RBPJ: variants seen among roughly 807,000 people sequenced by gnomAD.
RBPJ encodes the protein recombination signal binding protein for immunoglobulin kappa J region.
RBPJ carries 9 observed loss-of-function variants against 67.8 expected under a neutral mutation model. That is an observed-to-expected ratio of 0.13 (90% CI 0.08 to 0.23). The LOEUF (loss-of-function observed/expected upper bound fraction) is 0.23. Among genes scored for constraint, RBPJ ranks in the 10% least tolerant of loss-of-function variants. RBPJ has a pLI of 1.00. For missense variants in RBPJ, 305 were observed against 595.6 expected, an observed-to-expected ratio of 0.51 and a Z score of 5.08; for synonymous variants, 198 against 203.3, an observed-to-expected ratio of 0.97 and a Z score of 0.22.
At chr4:26,249,791 C>CTTTT (rs1329128596) in intron 1 of RBPJ, among the ~76,000 whole-genome samples, 2 of 128,800 alleles carry the variant, frequency 1.6e-5, no homozygotes, top group Non-Finnish European at 3.3e-5. Flanking sequence ...TTTTTTTTTT[C>CTTTT]TTTTTTTTTT....
intron 1 of RBPJ, among the ~76,000 whole-genome samples, chr4:26,231,941 G>A (rs1719303008): frequency 6.6e-6 from 1 of 151,410 alleles, no homozygotes; most frequent in African/African-American, 2.4e-5. Flanking sequence ...GCCCAGGCTG[G>A]AGTGCAGTGG....
chr4:26,255,387 G>C (rs1341481602), intron 1 of RBPJ, among the ~76,000 whole-genome samples: 3 of 99,588 alleles, frequency 3.0e-5, no homozygotes, highest in Non-Finnish European at 5.4e-5. Flanking sequence ...CTGGGCGACA[G>C]AGCGAGACTC....
At chr4:26,260,921 T>A (rs1454848349) in intron 1 of RBPJ, among the ~76,000 whole-genome samples, 1 of 152,188 alleles carries the variant, frequency 6.6e-6, no homozygotes, top group Non-Finnish European at 1.5e-5. Context: ...CTTGCTATAA[T>A]TACTTTTAAG....
chr4:26,386,166 T>A (rs1406824635), intron 1 of RBPJ, among the ~76,000 whole-genome samples, 187 bp from the exon 2 acceptor site: 1 of 152,128 alleles, frequency 6.6e-6, no homozygotes, highest in Non-Finnish European at 1.5e-5. Context: ...GGCATGTTGT[T>A]TGCATGTTTA....
At chr4:26,404,283 C>G (rs1733166394) in intron 2 of RBPJ, among the ~76,000 whole-genome samples, 1 of 151,980 alleles carries the variant, frequency 6.6e-6, no homozygotes. Flanking sequence ...GATAGTAGAC[C>G]TTTATCAGAT....
chr4:26,226,929 A>G (rs1292863501), intron 1 of RBPJ, among the ~76,000 whole-genome samples: 3 of 152,200 alleles, frequency 2.0e-5, no homozygotes, highest in Non-Finnish European at 4.4e-5. Flanking sequence ...CTTCAAAGAC[A>G]CAGAACTGCA....
At chr4:26,351,951 G>A (rs931411389) in intron 1 of RBPJ, among the ~76,000 whole-genome samples, 2 of 152,128 alleles carry the variant, frequency 1.3e-5, no homozygotes, top group African/African-American at 4.8e-5. Context: ...GCTTTGGGTC[G>A]GGGGGAGGTG....
upstream of RBPJ, among the ~76,000 whole-genome samples, chr4:26,318,948 G>C (rs540802769): frequency 1.9e-4 from 25 of 132,270 alleles, no homozygotes; most frequent in Admixed American, 6.8e-4. Context: ...AGTGAGCCGA[G>C]ATCGCGCCAC....
chr4:26,394,546 T>C (rs1356036909), intron 2 of RBPJ, among the ~76,000 whole-genome samples: 1 of 152,104 alleles, frequency 6.6e-6, no homozygotes, highest in African/African-American at 2.4e-5. Flanking sequence ...CTGTTGAGGC[T>C]TTTAGAGCCT....
chr4:26,215,031 A>G lies in RBPJ; in HGVS notation c.-167+51417A>G, dbSNP rs1270473770. Among the ~76,000 whole-genome samples, 4 of 68,676 alleles carry G rather than the reference A, an allele frequency of 5.8e-5. 2 individuals are homozygous for G. The highest frequency in any genetic ancestry group is 3.3e-4 in the Admixed American group (2 of 6,038). The allele number at this position is 68,676 out of a possible 152,430, so 45.1% of individuals were successfully genotyped here. ...AGGAAGGAGAGAAAGAAAGAAAGAA[A>G]AGAAAGAGGGAGGGAGGGAAGAGAG... is the stretch of plus-strand genomic sequence containing the variant. On this transcript the variant is annotated intron_variant, in intron 1 of 4. Coordinates refer to the RBPJ transcript ENST00000512351.
At chr4:26,374,194 C>A (rs1173021989) in intron 1 of RBPJ, among the ~76,000 whole-genome samples, 1 of 152,142 alleles carries the variant, frequency 6.6e-6, no homozygotes, top group Admixed American at 6.5e-5. Context: ...CTCGCCTCGG[C>A]CTTCCAAAGT....
chr4:26,391,609 A>G (rs769052869), intron 2 of RBPJ, among the ~76,000 whole-genome samples: 2 of 152,252 alleles, frequency 1.3e-5, no homozygotes, highest in Non-Finnish European at 1.5e-5. Context: ...CATTTCTTAG[A>G]CACTAAAACA....
chr4:26,414,234 A>G (rs1321310515), intron 3 of RBPJ, among the ~76,000 whole-genome samples: 2 of 152,000 alleles, frequency 1.3e-5, no homozygotes, highest in Non-Finnish European at 2.9e-5. Context: ...CAGCTGCACT[A>G]TGACAGCTCA....
At position 26,424,554 on chromosome 4, in the gene RBPJ, T is replaced by C. The variant is rs1735451477; in HGVS notation, c.634+75T>C. 6.4e-7 allele frequency: 1 copy of C among 1,566,038 alleles called. No individual in the cohort carries two copies. The highest frequency in any genetic ancestry group is 1.1e-5 in the South Asian group (1 of 87,706). On this transcript the variant is annotated intron_variant, in intron 6 of 10. Transcript: ENST00000355476. The surrounding 1 kb of genome is among the most constrained non-coding windows in gnomAD (Gnocchi z 5.3). The stretch of plus-strand genomic sequence containing the variant: ...TCTTTTGATGAGATACATGGATATA[T>C]TAAGTTTTGTCATTTGCCTAATCAT...
the RBPJ span, among the ~76,000 whole-genome samples, chr4:26,144,469 C>T: frequency 6.6e-6 from 1 of 151,876 alleles, no homozygotes; most frequent in Non-Finnish European, 1.5e-5. Context: ...GGGTTTTCGC[C>T]TTGTTGGCCA....
chr4:26,177,296 C>G (rs1716829683), intron 1 of RBPJ, among the ~76,000 whole-genome samples: 1 of 152,200 alleles, frequency 6.6e-6, no homozygotes, highest in Non-Finnish European at 1.5e-5. Flanking sequence ...AAAATGTGGG[C>G]TGGGCGCAGT....
chr4:26,150,556 G>A, the RBPJ span, among the ~76,000 whole-genome samples: 2 of 152,306 alleles, frequency 1.3e-5, no homozygotes, highest in South Asian at 4.1e-4. Flanking sequence ...TAGCTGTGCA[G>A]CCTTACGGAA....
chr4:26,157,908 T>G, the RBPJ span, among the ~76,000 whole-genome samples: 5 of 152,106 alleles, frequency 3.3e-5, no homozygotes, highest in African/African-American at 1.2e-4. Flanking sequence ...GTTAGCAAAA[T>G]AATCTTGGAT....
At chr4:26,204,582 G>A (rs1169623313) in intron 1 of RBPJ, among the ~76,000 whole-genome samples, 1 of 152,160 alleles carries the variant, frequency 6.6e-6, no homozygotes, top group Non-Finnish European at 1.5e-5. Context: ...GCCATGCAGA[G>A]GGGTAGCACA....
Sources: gnomAD v4.1 joint callset for allele counts (sites outside exome capture counted in the v4.1 genomes callset) on GRCh38, gnomAD v4.1.1 for gene constraint, Gnocchi (gnomAD v3.1) non-coding constraint, MANE v1.5 for transcripts, NCBI Gene and HGNC (gene_info 2026-07-23, HGNC 2026-07-21) for gene names.